The following MYH11 variants were observed in gnomAD, a reference collection of about 807,000 sequenced individuals.
The protein encoded by MYH11 is myosin-11.
A neutral mutation model predicts 246.6 loss-of-function variants in MYH11; 80 were observed. That is an observed-to-expected ratio of 0.32 (90% confidence interval 0.27 to 0.39). The LOEUF is 0.39. Among genes scored for constraint, MYH11 ranks in the 10% least tolerant of loss-of-function variants. The pLI is 1.00. For missense variants in MYH11, 2,158 were observed against 2,546.8 expected, an observed-to-expected ratio of 0.85 and a Z score of 3.29; for synonymous variants, 1,071 against 1,015.5, an observed-to-expected ratio of 1.05 and a Z score of -1.04.
intron 1 of MYH11, among the ~76,000 whole-genome samples, chr16:15,850,164 A>T (rs907776852): frequency 2.0e-5 from 3 of 152,092 alleles, no homozygotes; most frequent in African/African-American, 7.2e-5. Context: ...GCAGGCGGAT[A>T]ACCTGAGGTC....
chr16:15,824,858 C>T (rs2043518124), intron 2 of MYH11, among the ~76,000 whole-genome samples: 1 of 152,192 alleles, frequency 6.6e-6, no homozygotes, highest in African/African-American at 2.4e-5. Flanking sequence ...ATCTTCACAA[C>T]TACTCAGTAA....
chr16:15,777,371 T>C (rs987216418), intron 7 of MYH11, among the ~76,000 whole-genome samples: 3 of 152,160 alleles, frequency 2.0e-5, no homozygotes, highest in African/African-American at 7.2e-5. Flanking sequence ...TCTGCCCGCC[T>C]CGGCCTCCCA....
At chr16:15,779,082 C>A in intron 6 of MYH11, 1 of 621,704 alleles carries the variant, frequency 1.6e-6, no homozygotes, top group South Asian at 1.8e-5. Context: ...CAATTTCATT[C>A]GGCTTTTGCA....
At chr16:15,802,340 T>G (rs2042907700) in intron 3 of MYH11, among the ~76,000 whole-genome samples, 1 of 152,184 alleles carries the variant, frequency 6.6e-6, no homozygotes, top group African/African-American at 2.4e-5. Context: ...ATTTTACAAA[T>G]AAGGAGAGTG....
At chr16:15,806,950 G>C (rs923211527) in intron 3 of MYH11, among the ~76,000 whole-genome samples, 2 of 147,362 alleles carry the variant, frequency 1.4e-5, no homozygotes, top group African/African-American at 5.2e-5. Flanking sequence ...AAGTCAATAA[G>C]ATCTGCTTTT....
At chr16:15,842,278 C>T (rs1328886743) in intron 1 of MYH11, among the ~76,000 whole-genome samples, 3 of 151,946 alleles carry the variant, frequency 2.0e-5, no homozygotes, top group Non-Finnish European at 2.9e-5. Flanking sequence ...CCCAGCTACT[C>T]GGGAGGCTGA....
At chr16:15,780,474 CTTTTTT>C (rs71134460) in intron 6 of MYH11, among the ~76,000 whole-genome samples, 1 of 69,002 alleles carries the variant, frequency 1.4e-5, no homozygotes, top group Non-Finnish European at 2.5e-5. Flanking sequence ...GATTTTTACG[CTTTTTT>C]TTTTTTTTTT....
chr16:15,851,867 C>T (rs1233420238), intron 1 of MYH11, among the ~76,000 whole-genome samples: 2 of 152,088 alleles, frequency 1.3e-5, no homozygotes, highest in Non-Finnish European at 2.9e-5. Context: ...CTTCTGGAAG[C>T]GAGCAAGAAC....
At position 15,703,259 on chromosome 16, in the gene MYH11, G is replaced by T; in HGVS notation, c.*732C>A. ...TTTTCAATTCATGTGACTACAGAAG[G>T]CACTTGGTGAACTGTGCGTGTCTGA... is the stretch of plus-strand genomic sequence containing the variant. On this transcript the variant is annotated 3_prime_UTR_variant, in exon 41 of 41. Transcript: ENST00000300036. 1 of 219,116 alleles carries T rather than the reference G, an allele frequency of 4.6e-6. No individual in the cohort carries two copies. The highest frequency in any genetic ancestry group is 9.2e-6 in the Non-Finnish European group (1 of 109,078). 13.6% of individuals were successfully genotyped at this position (219,116 alleles called of 1,614,324 possible). A position where few individuals can be genotyped will look rare whatever the true frequency, so the allele number is the denominator to read the frequency against.
intron 4 of MYH11, among the ~76,000 whole-genome samples, chr16:15,796,846 GA>G (rs2042752690): frequency 1.3e-5 from 2 of 152,162 alleles, no homozygotes; most frequent in Non-Finnish European, 2.9e-5. Flanking sequence ...CTAGAAGCCA[GA>G]AAACTAGGAA....
Position 15,719,312 on chromosome 16 carries a change from G to C in MYH11, c.5083-4C>G, listed in dbSNP as rs762269040. 6 of 1,610,098 alleles carry C rather than the reference G, an allele frequency of 3.7e-6. No individual in the cohort carries two copies. Among genetic ancestry groups the C allele is most frequent in the African/African-American group, 1.3e-5 (1 of 74,898 alleles). On this transcript the variant is annotated splice_region_variant and splice_polypyrimidine_tract_variant and intron_variant, in intron 35 of 40. Coordinates refer to ENST00000300036, the MANE Select transcript of MYH11 (RefSeq NM_002474.3). Reference sequence around the variant, plus strand: ...CCCTCTCAGCGGCGGCGAGGTCCTAGGTGGGAGGGAGGAAGGCTGTTGTCT... The same window carrying C: ...CCCTCTCAGCGGCGGCGAGGTCCTACGTGGGAGGGAGGAAGGCTGTTGTCT...
Position 15,708,836 on chromosome 16 carries a change from G to C in MYH11, c.5787-4713C>G, listed in dbSNP as rs765030635. 15 of 1,610,184 alleles carry C rather than the reference G, an allele frequency of 9.3e-6. No homozygotes were observed. Among genetic ancestry groups the C allele is most frequent in the Middle Eastern group, 1.7e-4 (1 of 6,056 alleles). On this transcript the variant is annotated intron_variant, in intron 40 of 40. Coordinates refer to ENST00000300036, the MANE Select transcript of MYH11 (RefSeq NM_002474.3). ...TCACTGCGAAGTTTCCTGTGGGGGG[G>C]GCCCTCTGAAACAGAGAGAGAATCC...
chr16:15,749,904 T>C, intron 16 of MYH11: 1 of 606,650 alleles, frequency 1.6e-6, no homozygotes, highest in Non-Finnish European at 2.9e-6. Flanking sequence ...AATGAATGAA[T>C]GAGTGGCTGG....
intron 3 of MYH11, among the ~76,000 whole-genome samples, chr16:15,805,521 T>A (rs2042989171): frequency 6.6e-6 from 1 of 152,192 alleles, no homozygotes; most frequent in Non-Finnish European, 1.5e-5. Context: ...ATTCATAATA[T>A]CCAAAAAATA....
intron 3 of MYH11, among the ~76,000 whole-genome samples, chr16:15,810,328 C>A (rs777889547): frequency 3.3e-5 from 5 of 152,070 alleles, no homozygotes; most frequent in Non-Finnish European, 7.4e-5. Flanking sequence ...AACCACTGTG[C>A]CTGGCCAATA....
intron 40 of MYH11, among the ~76,000 whole-genome samples, chr16:15,707,276 G>A (rs963252482): frequency 9.2e-5 from 14 of 152,124 alleles, no homozygotes; most frequent in Non-Finnish European, 1.9e-4. Context: ...TTATCTGCCC[G>A]CCTCGGCCTC....
At chr16:15,793,913 G>C (rs1324676614) in intron 4 of MYH11, among the ~76,000 whole-genome samples, 1 of 139,772 alleles carries the variant, frequency 7.2e-6, no homozygotes, top group African/African-American at 2.7e-5. Flanking sequence ...GTGAGCCACG[G>C]TGCGTGGCCA....
intron 40 of MYH11, chr16:15,708,919 A>G: frequency 7.2e-7 from 1 of 1,385,550 alleles, no homozygotes; most frequent in East Asian, 2.4e-5. Flanking sequence ...CTTAATTGTT[A>G]AAGACATTTG....
intron 31 of MYH11, 120 bp downstream of exon 31, chr16:15,724,041 G>C (rs2040619378): frequency 6.6e-7 from 1 of 1,504,506 alleles, no homozygotes; most frequent in Non-Finnish European, 9.1e-7. Context: ...GCCTCCCATG[G>C]CTCCCCACAG....
Sources: allele counts gnomAD v4.1 joint callset (sites outside exome capture counted in the v4.1 genomes callset), GRCh38; gene constraint gnomAD v4.1.1; transcripts MANE v1.5; gene names NCBI Gene and HGNC (gene_info 2026-07-23, HGNC 2026-07-21).